The following DGKH variants were observed in gnomAD, a reference collection of about 807,000 sequenced individuals.
The protein encoded by DGKH is diacylglycerol kinase eta.
A neutral mutation model predicts 159.3 loss-of-function variants in DGKH; 90 were observed. That is an observed-to-expected ratio of 0.57 (90% CI 0.48 to 0.67). The LOEUF is 0.67. Among genes scored for constraint, DGKH ranks in the 30% least tolerant of loss-of-function variants. The pLI, the probability that DGKH is intolerant of heterozygous loss-of-function variation, is 0.00. For missense variants in DGKH, 1,181 were observed against 1,506.1 expected (o/e 0.78, Z 3.57); for synonymous variants, 536 against 553.8 (o/e 0.97, Z 0.45).
chr13:42,114,596 A>G (rs985255265), intron 1 of DGKH, among the ~76,000 whole-genome samples: 2 of 152,224 alleles, frequency 1.3e-5, no homozygotes, highest in African/African-American at 4.8e-5. Context: ...AAGTGGAGTT[A>G]TCCAGCAGCA....
At chr13:42,041,361 G>A (rs1297500915) in intron 1 of DGKH, among the ~76,000 whole-genome samples, 1 of 152,122 alleles carries the variant, frequency 6.6e-6, no homozygotes, top group Non-Finnish European at 1.5e-5. Flanking sequence ...CACGCGCCTG[G>A]AGAGGCTGAG....
At position 42,229,325 on chromosome 13, in the gene DGKH, T is replaced by C; in HGVS notation, c.*137T>C. On this transcript the variant is annotated 3_prime_UTR_variant, in exon 30 of 30. Coordinates refer to ENST00000337343, the MANE Select transcript of DGKH (RefSeq NM_178009.5). ...GCACCTCTGTGGCTTGATATTTTGC[T>C]GTGGGTGAAATTTTGATTTGAGGTA... 1 of 713,332 alleles carries C rather than the reference T, an allele frequency of 1.4e-6. No individual in the cohort carries two copies. Among genetic ancestry groups the C allele is most frequent in the Non-Finnish European group, 2.2e-6 (1 of 445,290 alleles). 44.2% of individuals were successfully genotyped at this position (713,332 alleles called of 1,614,324 possible).
intron 27 of DGKH, 50 bp downstream of exon 27, chr13:42,219,399 A>G: frequency 1.9e-6 from 3 of 1,592,716 alleles, no homozygotes; most frequent in East Asian, 2.2e-5. Context: ...ATATTGCTAT[A>G]GAATTTGAAC....
At position 42,160,779 on chromosome 13, in the gene DGKH, T is replaced by C. The variant is rs966867880; in HGVS notation, c.855+643T>C. Among the ~76,000 whole-genome samples the C allele has an allele frequency of 2.6e-5, 4 of 152,202 alleles. No individual in the cohort carries two copies. The East Asian group carries it at 5.8e-4, about 22-fold the overall frequency. On this transcript the variant is annotated intron_variant, in intron 7 of 29. Coordinates refer to ENST00000337343, the MANE Select transcript of DGKH (RefSeq NM_178009.5). ...GCACTGGGGCTGACTTATTTGGTGGTTTTGAGTCTTGTCTTTTAACATTGC... is the reference window on the plus strand; with the variant it reads ...GCACTGGGGCTGACTTATTTGGTGGCTTTGAGTCTTGTCTTTTAACATTGC...
chr13:42,147,884 G>A (rs1423892869), intron 3 of DGKH, among the ~76,000 whole-genome samples: 1 of 152,136 alleles, frequency 6.6e-6, no homozygotes, highest in Non-Finnish European at 1.5e-5. Flanking sequence ...CTATGTGAGT[G>A]AATGAAGTCA....
intron 24 of DGKH, among the ~76,000 whole-genome samples, chr13:42,213,514 A>G (rs955267682): frequency 6.6e-6 from 1 of 152,130 alleles, no homozygotes; most frequent in African/African-American, 2.4e-5. Context: ...ACCTTTATCC[A>G]TCTCTGTTCT....
Position 42,238,446 on chromosome 13 carries a change from C to T in DGKH, c.*9258C>T, listed in dbSNP as rs1425939705. ...TTTGAATAGTTTCATTTTTTCAATACTTAAGCCAAATGACAATTTTATAGA... is the reference window on the plus strand; with the variant it reads ...TTTGAATAGTTTCATTTTTTCAATATTTAAGCCAAATGACAATTTTATAGA... On this transcript the variant is annotated 3_prime_UTR_variant, in exon 30 of 30. Transcript: ENST00000337343. The T allele has an allele frequency of 5.3e-5, 8 of 152,132 alleles. No individual in the cohort carries two copies. Among genetic ancestry groups the T allele is most frequent in the Non-Finnish European group, 1.2e-4 (8 of 68,000 alleles). The allele number at this position is 152,132 out of a possible 1,614,324, so 9.4% of individuals were successfully genotyped here.
intron 1 of DGKH, among the ~76,000 whole-genome samples, chr13:42,060,476 A>G (rs1882074473): frequency 6.6e-6 from 1 of 152,148 alleles, no homozygotes; most frequent in Non-Finnish European, 1.5e-5. Flanking sequence ...GTATTCTCAA[A>G]CTGAACATAT....
At chr13:42,069,388 A>T in intron 1 of DGKH, 1 of 1,526,868 alleles carries the variant, frequency 6.5e-7, no homozygotes, top group Non-Finnish European at 8.9e-7. Flanking sequence ...TGACTTACTG[A>T]CTTTGATATC....
At chr13:42,118,270 C>T (rs1955000844) in intron 1 of DGKH, among the ~76,000 whole-genome samples, 1 of 152,034 alleles carries the variant, frequency 6.6e-6, no homozygotes, top group Admixed American at 6.5e-5. Flanking sequence ...GATACCATTT[C>T]CCCTCAATCA....
In DGKH at chr13:42,242,066, C is replaced by G. The variant is rs1208044852; in HGVS notation, c.*12878C>G. 6.6e-6 allele frequency: 1 copy of G among 152,196 alleles called. No individual in the cohort carries two copies. Among genetic ancestry groups the G allele is most frequent in the Non-Finnish European group, 1.5e-5 (1 of 68,018 alleles). 9.4% of individuals were successfully genotyped at this position (152,196 alleles called of 1,614,324 possible). A position where few individuals can be genotyped will look rare whatever the true frequency, so the allele number is the denominator to read the frequency against. ...GCAAAAGAAAATTCTTAGTGTGATA[C>G]AGCTTTACTCTTTGTTTGACTTTGT... is the stretch of plus-strand genomic sequence containing the variant. On this transcript the variant is annotated 3_prime_UTR_variant, in exon 30 of 30. Transcript: ENST00000337343.
intron 13 of DGKH, among the ~76,000 whole-genome samples, chr13:42,185,330 T>C (rs2138089753): frequency 6.6e-6 from 1 of 152,304 alleles, no homozygotes; most frequent in East Asian, 1.9e-4. Context: ...TCTCCTAACC[T>C]TCACATGCCC....
intron 12 of DGKH, among the ~76,000 whole-genome samples, chr13:42,176,263 T>C (rs1488873223): frequency 6.6e-6 from 1 of 152,214 alleles, no homozygotes; most frequent in East Asian, 1.9e-4. Flanking sequence ...TTAATAGCAT[T>C]AATGATCATG....
chr13:42,156,307 A>G (rs1428555065), intron 5 of DGKH, among the ~76,000 whole-genome samples: 1 of 152,126 alleles, frequency 6.6e-6, no homozygotes, highest in Non-Finnish European at 1.5e-5. Flanking sequence ...CAGTGGCATG[A>G]TCAAGTCTCC....
At chr13:42,207,015 C>CTTTCTTTCTTTCTTTCTT (rs1957498260) in intron 21 of DGKH, among the ~76,000 whole-genome samples, 3 of 143,582 alleles carry the variant, frequency 2.1e-5, no homozygotes, top group African/African-American at 5.3e-5. Flanking sequence ...TTCTTTCTTT[C>CTTTCTTTCTTTCTTTCTT]TTTCTTTCTT....
rs1958433092 is a variant in DGKH, at chr13:42,237,194, T to G, written c.*8006T>G. On this transcript the variant is annotated 3_prime_UTR_variant, in exon 30 of 30. Coordinates refer to ENST00000337343, the MANE Select transcript of DGKH (RefSeq NM_178009.5). ...AGGAAGAAGAAAAAACTGTTTTGAC[T>G]TAATGTGAAGCAGGGGTTTACCAAA... 1 of 152,214 alleles carries G rather than the reference T, an allele frequency of 6.6e-6. No homozygotes were observed. Among genetic ancestry groups the G allele is most frequent in the Non-Finnish European group, 1.5e-5 (1 of 68,038 alleles). 9.4% of individuals were successfully genotyped at this position (152,214 alleles called of 1,614,324 possible).
chr13:42,162,375 C>T (rs765912292), intron 7 of DGKH, among the ~76,000 whole-genome samples: 10 of 151,910 alleles, frequency 6.6e-5, no homozygotes, highest in South Asian at 2.1e-4. Flanking sequence ...TAGCTGGGCA[C>T]GGTAGTGCAT....
At chr13:42,217,441 C>T (rs1957828995) in intron 26 of DGKH, among the ~76,000 whole-genome samples, 1 of 151,612 alleles carries the variant, frequency 6.6e-6, no homozygotes, top group Non-Finnish European at 1.5e-5. Context: ...CAGAATTTCA[C>T]TATGTTGGCC....
chr13:42,054,369 TA>T (rs1269620200), intron 1 of DGKH, among the ~76,000 whole-genome samples: 1 of 152,214 alleles, frequency 6.6e-6, no homozygotes, highest in Non-Finnish European at 1.5e-5. Context: ...CTGACAGCCT[TA>T]TTGCTCTGAA....
Sources: allele counts gnomAD v4.1 joint callset (sites outside exome capture counted in the v4.1 genomes callset), GRCh38; gene constraint gnomAD v4.1.1; transcripts MANE v1.5; gene names NCBI Gene and HGNC (gene_info 2026-07-23, HGNC 2026-07-21).